HDAC9: variants seen among roughly 807,000 people sequenced by gnomAD.
HDAC9 encodes MEF-2 interacting transcription repressor (MITR) protein.
Under a neutral mutation model 139.4 loss-of-function variants are expected in HDAC9, and 41 were observed. The observed-to-expected ratio is 0.29, with a 90% confidence interval of 0.23 to 0.38. The LOEUF is 0.38. Among genes scored for constraint, HDAC9 ranks in the 10% least tolerant of loss-of-function variants. The pLI is 1.00. For missense variants in HDAC9, 1,147 were observed against 1,297.0 expected (o/e 0.88, Z 1.78); for synonymous variants, 517 against 476.2 (o/e 1.09, Z -1.12).
At chr7:18,936,103 AC>A (rs1781614687) in intron 23 of HDAC9, among the ~76,000 whole-genome samples, 161 bp downstream of exon 23, 1 of 152,252 alleles carries the variant, frequency 6.6e-6, no homozygotes, top group Non-Finnish European at 1.5e-5. Context: ...GTTCTCGTAT[AC>A]TACAATGTTA....
intron 3 of HDAC9, among the ~76,000 whole-genome samples, chr7:18,588,764 G>A (rs1830129744): frequency 6.6e-6 from 1 of 152,118 alleles, no homozygotes; most frequent in South Asian, 2.1e-4. Context: ...CTGAAAGGGG[G>A]CTGGAAGGGT....
upstream of HDAC9, among the ~76,000 whole-genome samples, chr7:18,289,006 CT>C (rs1797631055): frequency 6.6e-6 from 1 of 152,158 alleles, no homozygotes; most frequent in Non-Finnish European, 1.5e-5. Context: ...TCCCCCTCTT[CT>C]TTTTCTTCTA....
chr7:18,663,482 C>G (rs1793853925), intron 11 of HDAC9, among the ~76,000 whole-genome samples: 4 of 151,996 alleles, frequency 2.6e-5, no homozygotes, highest in Admixed American at 2.6e-4. Flanking sequence ...TAAGCAGGGA[C>G]TTCCGACATA....
At position 18,713,227 on chromosome 7, in the gene HDAC9, T is replaced by A. The variant is rs540931378; in HGVS notation, c.1732-14353T>A. ...AGATGTGACAATTTATGACAACTAA[T>A]GAGACCACTTAGCAGAATCTGCATA... is the stretch of plus-strand genomic sequence containing the variant. On this transcript the variant is annotated intron_variant, in intron 12 of 25. Transcript: ENST00000686413. Among the ~76,000 whole-genome samples, 3 of 152,322 alleles carry A rather than the reference T, an allele frequency of 2.0e-5. No homozygotes were observed. In the East Asian group the frequency reaches 5.8e-4, roughly 29 times the overall value.
chr7:18,843,001 C>A (rs1796683803), intron 21 of HDAC9, among the ~76,000 whole-genome samples: 1 of 152,028 alleles, frequency 6.6e-6, no homozygotes, highest in Admixed American at 6.6e-5. Flanking sequence ...CAACTTACTT[C>A]TTCTTATTGT....
At chr7:18,544,840 A>G (rs1193261577) in intron 2 of HDAC9, among the ~76,000 whole-genome samples, 2 of 152,234 alleles carry the variant, frequency 1.3e-5, no homozygotes, top group Non-Finnish European at 2.9e-5. Flanking sequence ...CCATGATGCT[A>G]TTCCTTGGCA....
intron 23 of HDAC9, among the ~76,000 whole-genome samples, chr7:18,938,660 A>G (rs1301674987): frequency 6.6e-6 from 1 of 152,236 alleles, no homozygotes; most frequent in African/African-American, 2.4e-5. Context: ...ACCCTTTTAA[A>G]TTTATGAATG....
At chr7:18,888,570 G>A (rs1299451969) in intron 22 of HDAC9, among the ~76,000 whole-genome samples, 1 of 152,218 alleles carries the variant, frequency 6.6e-6, no homozygotes, top group Non-Finnish European at 1.5e-5. Flanking sequence ...TCTTACAAGT[G>A]TCTATATCCT....
intron 6 of HDAC9, among the ~76,000 whole-genome samples, chr7:18,627,517 A>G (rs1017699445): frequency 6.6e-6 from 1 of 152,250 alleles, no homozygotes; most frequent in Non-Finnish European, 1.5e-5. Flanking sequence ...ACATGTGTAC[A>G]TGAAAACATA....
chr7:18,132,110 G>T (rs1205728933), intron 1 of HDAC9, among the ~76,000 whole-genome samples: 2 of 152,048 alleles, frequency 1.3e-5, no homozygotes, highest in Non-Finnish European at 2.9e-5. Flanking sequence ...TCTATTGCGT[G>T]TTCATTTACT....
At chr7:18,878,761 T>C (rs1224701362) in intron 22 of HDAC9, among the ~76,000 whole-genome samples, 7 of 151,560 alleles carry the variant, frequency 4.6e-5, no homozygotes. Context: ...AAGACAAAGA[T>C]GCCTTCTCTC....
At chr7:18,237,135 C>T (rs1449555032) in intron 2 of HDAC9, among the ~76,000 whole-genome samples, 1 of 152,186 alleles carries the variant, frequency 6.6e-6, no homozygotes, top group African/African-American at 2.4e-5. Flanking sequence ...CTGGCAACCC[C>T]AGCTTACACT....
intron 1 of HDAC9, among the ~76,000 whole-genome samples, chr7:18,144,969 G>A (rs1487347214): frequency 6.6e-6 from 1 of 152,152 alleles, no homozygotes. Flanking sequence ...TGTTCCTCCT[G>A]TAGAAGTCAG....
chr7:18,733,428 G>T (rs1786581943), intron 13 of HDAC9, among the ~76,000 whole-genome samples: 1 of 150,332 alleles, frequency 6.7e-6, no homozygotes, highest in Non-Finnish European at 1.5e-5. Flanking sequence ...TTTTTCTTTT[G>T]TCAGGAAATC....
At chr7:18,455,642 A>G (rs1793276565) in intron 1 of HDAC9, among the ~76,000 whole-genome samples, 1 of 152,184 alleles carries the variant, frequency 6.6e-6, no homozygotes. Flanking sequence ...CACCCAGAAG[A>G]CAGTGCAAGA....
At chr7:18,659,861 C>T (rs986136515) in intron 11 of HDAC9, among the ~76,000 whole-genome samples, 1 of 152,124 alleles carries the variant, frequency 6.6e-6, no homozygotes, top group African/African-American at 2.4e-5. Flanking sequence ...AACAAGGCAA[C>T]AGCTCGACTT....
intron 1 of HDAC9, among the ~76,000 whole-genome samples, chr7:18,435,978 T>C (rs1168085053): frequency 6.7e-6 from 1 of 149,816 alleles, no homozygotes; most frequent in Non-Finnish European, 1.5e-5. Flanking sequence ...ATATATGAAA[T>C]ATATGTGTGT....
chr7:18,199,397 C>A (rs745746544), intron 2 of HDAC9, among the ~76,000 whole-genome samples: 4 of 152,054 alleles, frequency 2.6e-5, no homozygotes, highest in Non-Finnish European at 5.9e-5. Context: ...TCATGTTGAT[C>A]AGCTGACCTC....
intron 16 of HDAC9, among the ~76,000 whole-genome samples, chr7:18,775,710 A>C (rs1467637185): frequency 1.3e-5 from 2 of 148,924 alleles, no homozygotes; most frequent in South Asian, 2.1e-4. Context: ...TTCAATTCCC[A>C]CTCATGTATC....
Sources: allele counts gnomAD v4.1 joint callset (sites outside exome capture counted in the v4.1 genomes callset), GRCh38; gene constraint gnomAD v4.1.1; transcripts MANE v1.5; gene names NCBI Gene and HGNC (gene_info 2026-07-23, HGNC 2026-07-21).